TNPO1: variants seen among roughly 807,000 people sequenced by gnomAD.
TNPO1 encodes transportin-1.
A neutral mutation model predicts 119.5 loss-of-function variants in TNPO1; 8 were observed. The ratio of observed to expected loss-of-function variants is 0.07; its 90% CI spans 0.04 to 0.12. TNPO1 has a LOEUF of 0.12. Among genes scored for constraint, TNPO1 ranks in the 10% least tolerant of loss-of-function variants. TNPO1 has a pLI of 1.00. For synonymous variants in TNPO1, 362 were observed against 363.0 expected, an observed-to-expected ratio of 1.00 and a Z score of 0.03; for missense variants, 576 against 1,089.8, an observed-to-expected ratio of 0.53 and a Z score of 6.64.
intron 14 of TNPO1, 37 bp downstream of exon 14, chr5:72,889,994 T>G (rs1748929381): frequency 6.3e-7 from 1 of 1,591,358 alleles, no homozygotes; most frequent in Non-Finnish European, 8.6e-7. Flanking sequence ...GAAAATAATG[T>G]GTAGCATAGT....
chr5:72,891,935 C>T (rs1397092414), intron 15 of TNPO1, 39 bp downstream of exon 15: 14 of 1,514,082 alleles, frequency 9.2e-6, no homozygotes, highest in South Asian at 1.2e-5. Flanking sequence ...TTGCCAAGAA[C>T]ACATGTTCAA....
At chr5:72,850,625 A>T (rs1379473533) in intron 2 of TNPO1, among the ~76,000 whole-genome samples, 2 of 152,232 alleles carry the variant, frequency 1.3e-5, no homozygotes, top group African/African-American at 4.8e-5. Flanking sequence ...CCCGACAGCG[A>T]TGAAATACCT....
Position 72,883,171 on chromosome 5 carries a change from A to G in TNPO1, c.1089A>G (p.Glu363=). ...VAQQHDEDGI[E]EEDDDDDEID... ...AGCAGCATGATGAAGATGGAATTGA[A>G]GAGGAAGATGATGATGATGATGAAA... Residue 363 remains glutamate, a synonymous_variant, in exon 11 of 25, where the codon GAA becomes GAG. Coordinates refer to ENST00000337273, the MANE Select transcript of TNPO1 (RefSeq NM_002270.4). The G allele has an allele frequency of 6.2e-7, 1 of 1,609,080 alleles. No individual in the cohort carries two copies. Among genetic ancestry groups the G allele is most frequent in the Non-Finnish European group, 8.5e-7 (1 of 1,175,410 alleles).
chr5:72,891,196 G>A (rs1199890093), intron 14 of TNPO1, among the ~76,000 whole-genome samples: 1 of 151,948 alleles, frequency 6.6e-6, no homozygotes, highest in South Asian at 2.1e-4. Flanking sequence ...TCTGGGCACA[G>A]TGGCTCACAC....
At chr5:72,876,203 T>C (rs994774605) in intron 8 of TNPO1, among the ~76,000 whole-genome samples, 9 of 152,236 alleles carry the variant, frequency 5.9e-5, no homozygotes, top group African/African-American at 2.2e-4. Flanking sequence ...GCCTAATTTA[T>C]AATGTTACAG....
At chr5:72,865,860 A>C in intron 6 of TNPO1, 131 bp downstream of exon 6, 1 of 986,834 alleles carries the variant, frequency 1.0e-6, no homozygotes, top group East Asian at 2.7e-5. Context: ...AGGTGAACTT[A>C]TGTAATTGAA....
At chr5:72,889,416 T>C (rs904090353) in intron 13 of TNPO1, among the ~76,000 whole-genome samples, 1 of 152,140 alleles carries the variant, frequency 6.6e-6, no homozygotes. Flanking sequence ...CTGGAAGATA[T>C]TAAGGGAGGG....
At chr5:72,840,297 T>C (rs1189035294) in intron 1 of TNPO1, among the ~76,000 whole-genome samples, 1 of 152,338 alleles carries the variant, frequency 6.6e-6, no homozygotes, top group East Asian at 1.9e-4. Flanking sequence ...TTGGACACAT[T>C]GCTTAAGTTC....
At chr5:72,867,328 CATT>C (rs1746987440) in intron 6 of TNPO1, among the ~76,000 whole-genome samples, 1 of 152,106 alleles carries the variant, frequency 6.6e-6, no homozygotes, top group Admixed American at 6.5e-5. Context: ...TGATATTCTA[CATT>C]ATTTAATACC....
chr5:72,851,934 T>G (rs1427893134), intron 3 of TNPO1, among the ~76,000 whole-genome samples: 1 of 152,222 alleles, frequency 6.6e-6, no homozygotes, highest in African/African-American at 2.4e-5. Context: ...AAAGATTGAA[T>G]GTAGGTTTTA....
At chr5:72,854,808 T>C (rs902657364) in intron 3 of TNPO1, among the ~76,000 whole-genome samples, 2 of 152,210 alleles carry the variant, frequency 1.3e-5, no homozygotes, top group East Asian at 1.9e-4. Flanking sequence ...ATTAAACTTA[T>C]TTTAAGAAAA....
At chr5:72,839,017 A>C (rs1042149671) in intron 1 of TNPO1, among the ~76,000 whole-genome samples, 2 of 152,206 alleles carry the variant, frequency 1.3e-5, no homozygotes, top group Non-Finnish European at 2.9e-5. Context: ...GGAAATTTAT[A>C]ATCATGTTAT....
chr5:72,897,168 C>T lies in TNPO1; in HGVS notation c.2338+17C>T. The T allele has an allele frequency of 1.3e-6, 2 of 1,549,898 alleles. No individual in the cohort carries two copies. Among genetic ancestry groups the T allele is most frequent in the Non-Finnish European group, 8.8e-7 (1 of 1,141,170 alleles). On this transcript the variant is annotated intron_variant, in intron 20 of 24. Coordinates refer to ENST00000337273, the MANE Select transcript of TNPO1 (RefSeq NM_002270.4). ...AGAATACAGGTACCATATGACTGAA[C>T]TGTTTCAGTGAAGAGAAAATTTGTT...
rs1227489744 is a variant in TNPO1, at chr5:72,893,236, C to T, written c.1886C>T (p.Ala629Val). ...GTAAACCTAGTACAGAAGACTCTTG[C>T]ACAAGCCATGGTAATTTTTTTAAAA... Reference protein sequence around the residue: ...RCVNLVQKTLAQAMLNNAQPD... With the variant: ...RCVNLVQKTLVQAMLNNAQPD... The change falls in exon 16 of 25, where the codon GCA becomes GTA. Residue 629 changes from alanine to valine, a missense_variant. By Grantham distance (64) the Ala-to-Val change is moderately conservative. Transcript: ENST00000337273. 2.5e-6 allele frequency: 4 copies of T among 1,612,086 alleles called. No homozygotes were observed. The highest frequency in any genetic ancestry group is 2.7e-5 in the African/African-American group (2 of 74,786).
intron 9 of TNPO1, among the ~76,000 whole-genome samples, chr5:72,881,458 A>G (rs1004760276): frequency 6.6e-6 from 1 of 152,170 alleles, no homozygotes; most frequent in Non-Finnish European, 1.5e-5. Flanking sequence ...CCTGCTCTAG[A>G]CTAATTGAAC....
At chr5:72,826,238 A>G (rs1580361169) in intron 1 of TNPO1, among the ~76,000 whole-genome samples, 1 of 152,004 alleles carries the variant, frequency 6.6e-6, no homozygotes, top group Non-Finnish European at 1.5e-5. Context: ...TATTTTTTGC[A>G]TAGCACATAC....
intron 4 of TNPO1, among the ~76,000 whole-genome samples, chr5:72,859,407 T>G (rs916589225): frequency 6.6e-6 from 1 of 152,184 alleles, no homozygotes; most frequent in South Asian, 2.1e-4. Context: ...CTGACTGAGC[T>G]CCTTGAGGGA....
chr5:72,856,896 G>C (rs1372140725), intron 4 of TNPO1, among the ~76,000 whole-genome samples: 2 of 152,234 alleles, frequency 1.3e-5, no homozygotes, highest in East Asian at 3.9e-4. Flanking sequence ...TACTGAAGAG[G>C]AGCGTACTAA....
intron 23 of TNPO1, among the ~76,000 whole-genome samples, chr5:72,904,505 AT>A (rs1412526486): frequency 6.6e-6 from 1 of 152,154 alleles, no homozygotes; most frequent in African/African-American, 2.4e-5. Flanking sequence ...TGATAAAGAT[AT>A]GCCCAAGGGC....
Sources: allele counts gnomAD v4.1 joint callset (sites outside exome capture counted in the v4.1 genomes callset), GRCh38; gene constraint gnomAD v4.1.1; transcripts MANE v1.5; gene names NCBI Gene and HGNC (gene_info 2026-07-23, HGNC 2026-07-21).